Variants in SORCS1 observed in about 807,000 individuals in gnomAD.
The protein encoded by SORCS1 is sortilin related VPS10 domain containing receptor 1, also known as VPS10 domain-containing receptor SorCS1.
In SORCS1, 60 loss-of-function variants were observed where a neutral mutation model predicts 146.1. The observed-to-expected ratio is 0.41, with a 90% CI of 0.33 to 0.51. The LOEUF is 0.51. Among genes scored for constraint, SORCS1 ranks in the 20% least tolerant of loss-of-function variants. The pLI is 0.21. For synonymous variants in SORCS1, 637 were observed against 584.0 expected, an observed-to-expected ratio of 1.09 and a Z score of -1.31; for missense variants, 1,352 against 1,487.6, an observed-to-expected ratio of 0.91 and a Z score of 1.50.
intron 1 of SORCS1, among the ~76,000 whole-genome samples, chr10:106,978,086 G>C (rs551770795): frequency 6.6e-6 from 1 of 152,256 alleles, no homozygotes; most frequent in African/African-American, 2.4e-5. Context: ...TGGGATTATA[G>C]GCACCCACCA....
rs185902379 is a variant in SORCS1 at position 106,767,724 on chromosome 10, C to G, written c.886-6063G>C. On this transcript the variant is annotated intron_variant, in intron 4 of 25. Transcript: ENST00000263054. ...CAGGCTGGTCTCAAACTCATGACCT[C>G]AAGAGATCTGCCTGCCTTGGCCTCC... is the stretch of plus-strand genomic sequence containing the variant. 6.2e-3 allele frequency among the ~76,000 whole-genome samples: 946 copies of G among 152,082 alleles called. 12 individuals carry two copies. Among genetic ancestry groups the G allele is most frequent in the African/African-American group, 0.021 (876 of 41,456 alleles).
rs186695057 is a variant in SORCS1 at position 107,015,658 on chromosome 10, G to T, written c.559-59078C>A. Reference sequence around the variant, plus strand: ...AATATCATGCAACACATGGCCTCCTGGCTCTCTCAATGATCTATAGTCTTC... The same window carrying T: ...AATATCATGCAACACATGGCCTCCTTGCTCTCTCAATGATCTATAGTCTTC... On this transcript the variant is annotated intron_variant, in intron 1 of 25. Coordinates refer to ENST00000263054, the MANE Select transcript of SORCS1 (RefSeq NM_052918.5). Among the ~76,000 whole-genome samples the T allele has an allele frequency of 6.3e-4, 96 of 152,248 alleles. 2 individuals are homozygous for T. The highest frequency in any genetic ancestry group is 2.3e-3 in the African/African-American group (95 of 41,554).
chr10:106,811,355 T>A (rs937391329), intron 3 of SORCS1, among the ~76,000 whole-genome samples: 1 of 151,744 alleles, frequency 6.6e-6, no homozygotes, highest in Non-Finnish European at 1.5e-5. Context: ...TAACCAAGAG[T>A]TTCACTGAAA....
rs12572735 is a variant in SORCS1, at chr10:106,813,978, C to A, written c.726+15596G>T. 7.7e-3 allele frequency among the ~76,000 whole-genome samples: 1,179 copies of A among 152,178 alleles called. 93 individuals carry two copies. In the East Asian group the frequency reaches 0.17, roughly 23 times the overall value. On this transcript the variant is annotated intron_variant, in intron 3 of 25. Transcript: ENST00000263054. ...AAAACAAAAACAAAAGAAATACCAA[C>A]GAGAAAATCCATCAACTTCCTTTTA...
At chr10:106,974,807 A>G (rs2139261754) in intron 1 of SORCS1, among the ~76,000 whole-genome samples, 1 of 152,338 alleles carries the variant, frequency 6.6e-6, no homozygotes, top group African/African-American at 2.4e-5. Context: ...AGCTTTACGC[A>G]GTTTTGAGAA....
intron 2 of SORCS1, among the ~76,000 whole-genome samples, chr10:106,873,931 C>T (rs1455747253): frequency 1.3e-5 from 2 of 152,150 alleles, no homozygotes; most frequent in African/African-American, 4.8e-5. Context: ...CAGGTTTTGC[C>T]AATGACCTGC....
chr10:106,955,065 G>C (rs1024673056), intron 2 of SORCS1, among the ~76,000 whole-genome samples: 1 of 152,256 alleles, frequency 6.6e-6, no homozygotes, highest in African/African-American at 2.4e-5. Flanking sequence ...GAGCAGAGCA[G>C]TGGGACTGAA....
chr10:106,728,214 T>G (rs1272202508), intron 6 of SORCS1, among the ~76,000 whole-genome samples: 1 of 152,158 alleles, frequency 6.6e-6, no homozygotes, highest in African/African-American at 2.4e-5. Context: ...GTATTTTTAG[T>G]AGAGATGGGG....
At chr10:106,820,611 A>G (rs1014442138) in intron 3 of SORCS1, among the ~76,000 whole-genome samples, 3 of 152,232 alleles carry the variant, frequency 2.0e-5, no homozygotes, top group African/African-American at 7.2e-5. Context: ...CTTTGTTTTC[A>G]TGACAGCACC....
Position 107,164,633 on chromosome 10 carries a change from C to A in SORCS1, c.-107G>T. 1 of 934,254 alleles carries A rather than the reference C, an allele frequency of 1.1e-6. No homozygotes were observed. Among genetic ancestry groups the A allele is most frequent in the Non-Finnish European group, 1.4e-6 (1 of 711,834 alleles). The allele number at this position is 934,254 out of a possible 1,614,324, so 57.9% of individuals were successfully genotyped here. On this transcript the variant is annotated 5_prime_UTR_variant, in exon 1 of 26. Coordinates refer to ENST00000263054, the MANE Select transcript of SORCS1 (RefSeq NM_052918.5). This position sits in a 1 kb window ranked among gnomAD's most constrained non-coding sequence, Gnocchi z 6.8. Reference sequence around the variant, plus strand: ...CGGCGCTCAGGACCCCAACTCCATCCAAGTTGCGCCGCGGTGGGGGCGGGC... The same window carrying A: ...CGGCGCTCAGGACCCCAACTCCATCAAAGTTGCGCCGCGGTGGGGGCGGGC...
At chr10:107,012,675 T>A (rs887378314) in intron 1 of SORCS1, among the ~76,000 whole-genome samples, 4 of 152,184 alleles carry the variant, frequency 2.6e-5, no homozygotes, top group Non-Finnish European at 4.4e-5. Flanking sequence ...CTGCCTCTAG[T>A]GTCCACATGT....
At chr10:107,010,231 A>G (rs992539381) in intron 1 of SORCS1, among the ~76,000 whole-genome samples, 2 of 152,200 alleles carry the variant, frequency 1.3e-5, no homozygotes, top group Admixed American at 6.5e-5. Context: ...AATACTTTCT[A>G]AAGGATGGAG....
At chr10:106,890,077 C>A (rs1025233839) in intron 2 of SORCS1, among the ~76,000 whole-genome samples, 2 of 151,964 alleles carry the variant, frequency 1.3e-5, no homozygotes, top group African/African-American at 4.8e-5. Flanking sequence ...CTGGGTTCTA[C>A]CACAAACATA....
At chr10:107,078,048 T>C (rs1963031292) in intron 1 of SORCS1, among the ~76,000 whole-genome samples, 1 of 152,128 alleles carries the variant, frequency 6.6e-6, no homozygotes, top group Non-Finnish European at 1.5e-5. Context: ...GAATATAAAG[T>C]GTTAGGTGAG....
At chr10:107,132,594 T>C (rs1158366345) in intron 1 of SORCS1, among the ~76,000 whole-genome samples, 1 of 152,226 alleles carries the variant, frequency 6.6e-6, no homozygotes, top group Non-Finnish European at 1.5e-5. Context: ...ATCTCCGTAC[T>C]GTCAATGAAA....
chr10:107,046,852 A>G (rs1959506297), intron 1 of SORCS1, among the ~76,000 whole-genome samples: 1 of 152,248 alleles, frequency 6.6e-6, no homozygotes, highest in South Asian at 2.1e-4. Flanking sequence ...AAGGTATGAA[A>G]GAGCATAAAG....
chr10:107,070,152 T>G (rs113688807), intron 1 of SORCS1, among the ~76,000 whole-genome samples: 159 of 152,376 alleles, frequency 1.0e-3, no homozygotes, highest in Middle Eastern at 3.4e-3. Flanking sequence ...GTAGTATGTA[T>G]CAATACTTCA....
chr10:106,993,456 C>T (rs568697261), intron 1 of SORCS1, among the ~76,000 whole-genome samples: 2 of 152,160 alleles, frequency 1.3e-5, no homozygotes, highest in East Asian at 1.9e-4. Context: ...AGATACATGA[C>T]TTAACTATCA....
intron 10 of SORCS1, among the ~76,000 whole-genome samples, 162 bp from the exon 11 acceptor site, chr10:106,679,896 T>C (rs1852309931): frequency 6.6e-6 from 1 of 151,982 alleles, no homozygotes. Context: ...ACATCTTCCA[T>C]CCCCCAAATA....
Sources: allele counts gnomAD v4.1 joint callset (sites outside exome capture counted in the v4.1 genomes callset), GRCh38; gene constraint gnomAD v4.1.1; non-coding constraint Gnocchi (gnomAD v3.1); transcripts MANE v1.5; gene names NCBI Gene and HGNC (gene_info 2026-07-23, HGNC 2026-07-21).